The following DGCR2 variants were observed in gnomAD, a reference collection of about 807,000 sequenced individuals.
DGCR2 encodes the protein DiGeorge syndrome critical region gene 2.
Under a neutral mutation model 51.6 loss-of-function variants are expected in DGCR2, and 24 were observed. The observed-to-expected ratio is 0.47, with a 90% CI of 0.34 to 0.65. The LOEUF is 0.65. Among genes scored for constraint, DGCR2 ranks in the 30% least tolerant of loss-of-function variants. The pLI, the probability that DGCR2 is intolerant of heterozygous loss-of-function variation, is 0.01. For missense variants in DGCR2, 765 were observed against 772.1 expected, an observed-to-expected ratio of 0.99 and a Z score of 0.11; for synonymous variants, 340 against 315.4, an observed-to-expected ratio of 1.08 and a Z score of -0.82.
intron 5 of DGCR2, 47 bp downstream of exon 5, chr22:19,063,155 G>C (rs2082704793): frequency 6.4e-7 from 1 of 1,573,660 alleles, no homozygotes; most frequent in Non-Finnish European, 8.7e-7. Context: ...CCGAATCAGG[G>C]TGACTCTGCC....
intron 6 of DGCR2, among the ~76,000 whole-genome samples, chr22:19,052,154 T>C (rs1182456093): frequency 1.3e-5 from 2 of 152,190 alleles, no homozygotes; most frequent in Admixed American, 6.5e-5. Context: ...TGGTGGCTCA[T>C]GCCTGTAATC....
chr22:19,063,900 T>C (rs1295280319), intron 4 of DGCR2, among the ~76,000 whole-genome samples: 1 of 152,212 alleles, frequency 6.6e-6, no homozygotes, highest in Non-Finnish European at 1.5e-5. Flanking sequence ...GAGATTTTCA[T>C]GGCATGTGAA....
chr22:19,107,180 G>T (rs769857079), intron 1 of DGCR2, among the ~76,000 whole-genome samples: 1 of 152,164 alleles, frequency 6.6e-6, no homozygotes, highest in Non-Finnish European at 1.5e-5. Flanking sequence ...GGGGCAAGTG[G>T]AATCTCTGAG....
At chr22:19,069,361 T>A (rs1041845615) in intron 2 of DGCR2, among the ~76,000 whole-genome samples, 1 of 152,266 alleles carries the variant, frequency 6.6e-6, no homozygotes, top group Non-Finnish European at 1.5e-5. Context: ...TTGCAATGGT[T>A]TTTATTTAAT....
In DGCR2 at chr22:19,064,966, T is replaced by C. The variant is rs759027450; in HGVS notation, c.430A>G (p.Thr144Ala). The change falls in exon 4 of 10, where the codon ACC becomes GCC. Residue 144 changes from threonine to alanine, a missense_variant. Physicochemically the swap from Thr to Ala is moderately conservative, Grantham distance 58 (BLOSUM62 0). Transcript: ENST00000263196. Reference protein sequence around the residue: ...SGENYWDAAQTCQRLNGSLAT... With the variant: ...SGENYWDAAQACQRLNGSLAT... ...AGAGAGCCATTCAGGCGCTGGCAGGTCTGCGCGGCATCCCAGTAGTTCTCC... is the reference window on the plus strand; with the variant it reads ...AGAGAGCCATTCAGGCGCTGGCAGGCCTGCGCGGCATCCCAGTAGTTCTCC... The C allele has an allele frequency of 2.5e-6, 4 of 1,613,830 alleles. No homozygotes were observed. In the Admixed American group the frequency reaches 6.7e-5, roughly 27 times the overall value.
chr22:19,063,149 A>G (rs1201918063), intron 5 of DGCR2, 53 bp downstream of exon 5: 2 of 1,555,826 alleles, frequency 1.3e-6, no homozygotes, highest in Non-Finnish European at 1.8e-6. Context: ...GAGGCCCCGA[A>G]TCAGGGTGAC....
intron 1 of DGCR2, among the ~76,000 whole-genome samples, chr22:19,108,183 T>C (rs1215830778): frequency 6.6e-6 from 1 of 152,068 alleles, no homozygotes; most frequent in Non-Finnish European, 1.5e-5. Context: ...AAGGATTTAT[T>C]AGACAAAAAC....
chr22:19,039,121 T>C lies in DGCR2; in HGVS notation c.1397A>G (p.Asp466Gly). 6.2e-7 allele frequency: 1 copy of C among 1,612,920 alleles called. No individual in the cohort carries two copies. Among genetic ancestry groups the C allele is most frequent in the Non-Finnish European group, 8.5e-7 (1 of 1,179,910 alleles). Reference sequence around the variant, plus strand: ...CTCCACAGGCTCAAAAGCATCATCGTCTGCAGGAAGAGACAGAGGGGTGTC... The same window carrying C: ...CTCCACAGGCTCAAAAGCATCATCGCCTGCAGGAAGAGACAGAGGGGTGTC... ...HPDSVFYDPA[D>G]DDAFEPVEVS... Residue 466 changes from aspartate to glycine, a missense_variant and splice_region_variant, in exon 10 of 10, where the codon GAC (aspartate) becomes GGC (glycine). By Grantham distance (94) the Asp-to-Gly change is moderately conservative (BLOSUM62 -1). Coordinates refer to ENST00000263196, the MANE Select transcript of DGCR2 (RefSeq NM_005137.3).
intron 9 of DGCR2, among the ~76,000 whole-genome samples, chr22:19,039,386 G>A (rs1015683219): frequency 2.0e-5 from 3 of 152,212 alleles, no homozygotes; most frequent in African/African-American, 7.2e-5. Context: ...GGCAGACACG[G>A]GCCTGTCCCA....
chr22:19,086,758 CAT>C (rs1299024195), intron 2 of DGCR2, among the ~76,000 whole-genome samples: 2 of 152,144 alleles, frequency 1.3e-5, no homozygotes, highest in Non-Finnish European at 2.9e-5. Flanking sequence ...CTAGGGAAAA[CAT>C]ATGGCAACCA....
intron 2 of DGCR2, among the ~76,000 whole-genome samples, chr22:19,082,998 G>A (rs1032017452): frequency 1.3e-5 from 2 of 150,014 alleles, no homozygotes; most frequent in African/African-American, 4.9e-5. Context: ...GAGGTAGGAG[G>A]ATGGCTTGAG....
At chr22:19,056,461 G>A in intron 6 of DGCR2, 2 of 546,606 alleles carry the variant, frequency 3.7e-6, no homozygotes, top group South Asian at 3.9e-5. Flanking sequence ...TGCGAAGCCA[G>A]AAGCCTGTGA....
chr22:19,040,161 C>T (rs998342520), intron 9 of DGCR2, among the ~76,000 whole-genome samples: 3 of 152,224 alleles, frequency 2.0e-5, no homozygotes, highest in African/African-American at 7.2e-5. Flanking sequence ...CCACCCACCA[C>T]CATCCCTTGC....
chr22:19,055,122 C>G (rs2082587796), intron 6 of DGCR2, among the ~76,000 whole-genome samples: 1 of 151,956 alleles, frequency 6.6e-6, no homozygotes. Context: ...TCTCAAAAAA[C>G]AACAAAGAGT....
chr22:19,115,231 G>C (rs952033604), intron 1 of DGCR2, among the ~76,000 whole-genome samples: 1 of 152,228 alleles, frequency 6.6e-6, no homozygotes, highest in Non-Finnish European at 1.5e-5. Context: ...TCAAAGCCAG[G>C]TGCCAGCAAG....
At chr22:19,058,810 T>C (rs1394008592) in intron 5 of DGCR2, among the ~76,000 whole-genome samples, 1 of 151,954 alleles carries the variant, frequency 6.6e-6, no homozygotes, top group Non-Finnish European at 1.5e-5. Flanking sequence ...CAAGTCAGAG[T>C]GAGTCAGGCA....
intron 7 of DGCR2, 49 bp downstream of exon 7, chr22:19,048,391 C>CA: frequency 6.2e-7 from 1 of 1,605,234 alleles, no homozygotes; most frequent in Non-Finnish European, 8.5e-7. Context: ...GCCCAGCCTC[C>CA]AGCCCCAAAT....
chr22:19,059,016 G>A (rs936352356), intron 5 of DGCR2, among the ~76,000 whole-genome samples: 2 of 152,382 alleles, frequency 1.3e-5, no homozygotes, highest in Non-Finnish European at 1.5e-5. Flanking sequence ...CAGCCTTGCA[G>A]AGCGGGCAGG....
At chr22:19,045,555 G>A (rs117907712) in intron 7 of DGCR2, among the ~76,000 whole-genome samples, 30 of 152,248 alleles carry the variant, frequency 2.0e-4, no homozygotes, top group Admixed American at 6.5e-4. Flanking sequence ...AAACTACTTT[G>A]GCTATTTTAA....
Sources: gnomAD v4.1 joint callset for allele counts (sites outside exome capture counted in the v4.1 genomes callset) on GRCh38, gnomAD v4.1.1 for gene constraint, MANE v1.5 for transcripts, NCBI Gene and HGNC (gene_info 2026-07-23, HGNC 2026-07-21) for gene names.